The following CDH12 variants were observed in gnomAD, a reference collection of about 807,000 sequenced individuals.
CDH12 encodes the protein cadherin 12.
Under a neutral mutation model 74.1 loss-of-function variants are expected in CDH12, and 41 were observed. That is an observed-to-expected ratio of 0.55 (90% confidence interval 0.43 to 0.72). The LOEUF is 0.72. Among genes scored for constraint, CDH12 ranks in the 30% least tolerant of loss-of-function variants. CDH12 has a pLI of 0.00. For synonymous variants in CDH12, 399 were observed against 355.0 expected (o/e 1.12, Z -1.39); for missense variants, 945 against 977.2 (o/e 0.97, Z 0.44).
intron 5 of CDH12, among the ~76,000 whole-genome samples, chr5:22,041,640 A>T (rs183260676): frequency 6.6e-6 from 1 of 152,154 alleles, no homozygotes; most frequent in African/African-American, 2.4e-5. Flanking sequence ...TGCACCTAAC[A>T]TCAGAGTGCC....
At chr5:21,756,721 GT>G (rs1412254486) in intron 13 of CDH12, among the ~76,000 whole-genome samples, 1 of 152,036 alleles carries the variant, frequency 6.6e-6, no homozygotes, top group East Asian at 1.9e-4. Flanking sequence ...ACAATATGTA[GT>G]TTATTATAGC....
At chr5:22,808,509 A>G (rs1748934336) in intron 1 of CDH12, among the ~76,000 whole-genome samples, 1 of 151,986 alleles carries the variant, frequency 6.6e-6, no homozygotes, top group Non-Finnish European at 1.5e-5. Flanking sequence ...AGATTTTATT[A>G]CATTTTATGG....
rs184870360 is a variant in CDH12 at position 22,641,039 on chromosome 5, A to G, written c.-522-135675T>C. ...CCTGCTATATTAGTTAGGGTTCTCT[A>G]GAGAGATTGACCAATACGATAGATA... On this transcript the variant is annotated intron_variant, in intron 1 of 14. Transcript: ENST00000382254. Among the ~76,000 whole-genome samples the G allele has an allele frequency of 2.2e-3, 334 of 152,276 alleles. 4 individuals are homozygous for G. Among genetic ancestry groups the G allele is most frequent in the East Asian group, 3.1e-3 (16 of 5,172 alleles).
chr5:22,079,185 T>A (rs1389862819), intron 4 of CDH12, among the ~76,000 whole-genome samples: 1 of 152,194 alleles, frequency 6.6e-6, no homozygotes, highest in East Asian at 1.9e-4. Context: ...TAGAGTAGGA[T>A]CTTGCAACTT....
intron 1 of CDH12, among the ~76,000 whole-genome samples, chr5:22,772,047 A>G (rs1387224337): frequency 2.0e-5 from 3 of 152,132 alleles, no homozygotes; most frequent in African/African-American, 7.2e-5. Flanking sequence ...ACCCCGATCT[A>G]ACATAATTTC....
intron 3 of CDH12, among the ~76,000 whole-genome samples, chr5:22,262,390 T>C (rs1252654292): frequency 3.3e-5 from 5 of 151,600 alleles, no homozygotes; most frequent in Non-Finnish European, 7.4e-5. Context: ...GTTCTTGAGA[T>C]AGTTTACTGA....
intron 3 of CDH12, among the ~76,000 whole-genome samples, chr5:22,279,605 C>G (rs1314279579): frequency 6.6e-6 from 1 of 152,068 alleles, no homozygotes; most frequent in Non-Finnish European, 1.5e-5. Flanking sequence ...CAATTCCCAC[C>G]TACGAGTGAG....
intron 9 of CDH12, among the ~76,000 whole-genome samples, chr5:21,814,089 A>AATT (rs1747904037): frequency 6.6e-6 from 1 of 151,486 alleles, no homozygotes; most frequent in Non-Finnish European, 1.5e-5. Context: ...TTAGATAATG[A>AATT]ATTTCAGGCC....
At chr5:22,712,130 C>A (rs1008620383) in intron 1 of CDH12, among the ~76,000 whole-genome samples, 1 of 151,858 alleles carries the variant, frequency 6.6e-6, no homozygotes, top group South Asian at 2.1e-4. Context: ...ATCGTTATAC[C>A]TATAACATCA....
intron 1 of CDH12, among the ~76,000 whole-genome samples, chr5:22,785,826 T>C (rs1747595598): frequency 6.6e-6 from 1 of 152,138 alleles, no homozygotes. Context: ...CCTTATTTCC[T>C]GTTAATAGCT....
chr5:22,398,196 T>C (rs1742547748), intron 3 of CDH12, among the ~76,000 whole-genome samples: 1 of 152,092 alleles, frequency 6.6e-6, no homozygotes, highest in African/African-American at 2.4e-5. Flanking sequence ...ATTGCTGGGT[T>C]GAAAAGCCAA....
intron 1 of CDH12, among the ~76,000 whole-genome samples, chr5:22,647,321 A>G: frequency 6.6e-6 from 1 of 152,012 alleles, no homozygotes; most frequent in East Asian, 1.9e-4. Context: ...TAGTATTAAT[A>G]TTTAAATTCT....
At chr5:22,574,738 G>C (rs998872356) in intron 1 of CDH12, among the ~76,000 whole-genome samples, 8 of 151,988 alleles carry the variant, frequency 5.3e-5, no homozygotes, top group African/African-American at 1.9e-4. Context: ...AATGCTATCA[G>C]GTATAGTCAC....
intron 6 of CDH12, among the ~76,000 whole-genome samples, chr5:21,927,941 T>G (rs145493063): frequency 0.014 from 2,069 of 150,920 alleles, 45 homozygotes; most frequent in African/African-American, 0.045. Flanking sequence ...GCTTGGTAGC[T>G]GGCGCCTGCA....
At chr5:22,640,978 C>G (rs1172223011) in intron 1 of CDH12, among the ~76,000 whole-genome samples, 2 of 152,172 alleles carry the variant, frequency 1.3e-5, no homozygotes, top group Non-Finnish European at 2.9e-5. Context: ...TTCTGATGTG[C>G]CTTCTGCCAA....
At chr5:22,051,909 A>G (rs1044803120) in intron 5 of CDH12, among the ~76,000 whole-genome samples, 7 of 152,180 alleles carry the variant, frequency 4.6e-5, no homozygotes, top group African/African-American at 1.4e-4. Context: ...AAGAAAGAAA[A>G]CAGTAAGATT....
chr5:21,888,656 G>C (rs1373995013), intron 6 of CDH12, among the ~76,000 whole-genome samples: 2 of 151,910 alleles, frequency 1.3e-5, no homozygotes, highest in Non-Finnish European at 2.9e-5. Flanking sequence ...TCAAACATGT[G>C]GGAGGTATTT....
Position 21,751,934 on chromosome 5 carries a change from C to T in CDH12, c.2188G>A (p.Ala730Thr), listed in dbSNP as rs745452087. 11 of 1,613,834 alleles carry T rather than the reference C, an allele frequency of 6.8e-6. No individual in the cohort carries two copies. The Admixed American group carries it at 1.2e-4, about 17-fold the overall frequency. Residue 730 changes from alanine to threonine, a missense_variant, in exon 15 of 15, where the codon GCC becomes ACC. Physicochemically the swap from Ala to Thr is moderately conservative, Grantham distance 58 (BLOSUM62 0). Around this residue, in one of 3 missense-constraint regions of CDH12, gnomAD observed 791 missense variants for 792.8 expected, o/e 1.00. Transcript: ENST00000382254. Reference sequence around the variant, plus strand: ...GTGGCCAGTGAATCGTATGGTGGGGCAGTTGGATCCACATCATTTTCCTGT... The same window carrying T: ...GTGGCCAGTGAATCGTATGGTGGGGTAGTTGGATCCACATCATTTTCCTGT... ...RLQENDVDPT[A>T]PPYDSLATYA...
intron 1 of CDH12, among the ~76,000 whole-genome samples, chr5:22,560,542 A>G (rs1738999064): frequency 6.6e-6 from 1 of 152,152 alleles, no homozygotes; most frequent in South Asian, 2.1e-4. Context: ...CAAAAATATT[A>G]ACAGCAAAAA....
Sources: gnomAD v4.1 joint callset for allele counts (sites outside exome capture counted in the v4.1 genomes callset) on GRCh38, gnomAD v4.1.1 for gene constraint, gnomAD v4.1.1 regional missense constraint, MANE v1.5 for transcripts, NCBI Gene and HGNC (gene_info 2026-07-23, HGNC 2026-07-21) for gene names.